TMEM132B: variants seen among roughly 807,000 people sequenced by gnomAD.
TMEM132B encodes the protein transmembrane protein 132B.
TMEM132B carries 18 observed loss-of-function variants against 90.8 expected under a neutral mutation model. The observed-to-expected ratio is 0.20, with a 90% confidence interval of 0.14 to 0.29. The LOEUF is 0.29. Ranked by LOEUF, TMEM132B falls within the 10% of genes least tolerant of loss-of-function variation. The pLI is 1.00. For synonymous variants in TMEM132B, 504 were observed against 523.3 expected (o/e 0.96, Z 0.50); for missense variants, 1,096 against 1,326.8 (o/e 0.83, Z 2.70).
In TMEM132B at chr12:125,215,248, G is replaced by A. The variant is rs114688862; in HGVS notation, c.67+28382G>A. On this transcript the variant is annotated intron_variant, in intron 1 of 8. Coordinates refer to ENST00000682704, the MANE Select transcript of TMEM132B (RefSeq NM_001366854.1). The stretch of plus-strand genomic sequence containing the variant: ...ACTACCTTAATTTCCTGTGGCTGCT[G>A]CAACATAGGGGCTTCAAATGACACA... Among the ~76,000 whole-genome samples the A allele has an allele frequency of 6.0e-3, 916 of 152,344 alleles. 11 individuals carry two copies. The highest frequency in any genetic ancestry group is 0.021 in the African/African-American group (869 of 41,562).
In TMEM132B at chr12:125,653,974, G is replaced by A. The variant is rs61753625; in HGVS notation, c.2516G>A (p.Arg839His). 3.6e-3 allele frequency: 5,731 copies of A among 1,614,136 alleles called. 179 individuals are homozygous for A. In the African/African-American group the frequency reaches 0.068, roughly 19 times the overall value. Reference sequence around the variant, plus strand: ...AGAGCAGTCCAGGAATGGTTCCACCGTGGCACACCTGTTGGCCAAGAGGAA... The same window carrying A: ...AGAGCAGTCCAGGAATGGTTCCACCATGGCACACCTGTTGGCCAAGAGGAA... Reference protein sequence around the residue: ...QERAVQEWFHRGTPVGQEEST... With the variant: ...QERAVQEWFHHGTPVGQEEST... The change falls in exon 9 of 9, where the codon CGT becomes CAT. Residue 839 changes from arginine (R) to histidine (H), a missense_variant. Coordinates refer to ENST00000682704, the MANE Select transcript of TMEM132B (RefSeq NM_001366854.1).
At chr12:125,230,262 G>A (rs1252632778) in intron 1 of TMEM132B, among the ~76,000 whole-genome samples, 4 of 152,204 alleles carry the variant, frequency 2.6e-5, no homozygotes, top group Admixed American at 2.6e-4. Context: ...ATGTTAAGGA[G>A]AAGGAGGTGG....
rs144451097 is a variant in TMEM132B, at chr12:125,641,734, C to A, written c.1438-2342C>A. ...TCATTCCTTATGAACATAGAAAGGG[C>A]CTCACAGTTTCCAAAACTGGTGTGT... is the stretch of plus-strand genomic sequence containing the variant. On this transcript the variant is annotated intron_variant, in intron 5 of 8. Coordinates refer to ENST00000682704, the MANE Select transcript of TMEM132B (RefSeq NM_001366854.1). 1.2e-3 allele frequency among the ~76,000 whole-genome samples: 177 copies of A among 152,206 alleles called. 4 individuals carry two copies. The East Asian group carries it at 0.026, about 22-fold the overall frequency.
At chr12:125,600,574 T>A (rs1037612704) in intron 5 of TMEM132B, among the ~76,000 whole-genome samples, 2 of 152,226 alleles carry the variant, frequency 1.3e-5, no homozygotes, top group Non-Finnish European at 2.9e-5. Context: ...AGTAAATGAA[T>A]AAATGTGAAT....
intron 1 of TMEM132B, among the ~76,000 whole-genome samples, chr12:125,321,074 T>TCC (rs1243108010): frequency 6.6e-6 from 1 of 152,232 alleles, no homozygotes; most frequent in Non-Finnish European, 1.5e-5. Flanking sequence ...AGCGTATGCA[T>TCC]TGGTCTTGCC....
At chr12:125,598,823 A>G (rs1055809901) in intron 5 of TMEM132B, among the ~76,000 whole-genome samples, 13 of 152,128 alleles carry the variant, frequency 8.5e-5, no homozygotes, top group African/African-American at 2.7e-4. Context: ...AACTACCTCA[A>G]ATTCCCCTAA....
At chr12:125,637,192 T>C (rs1276641753) in intron 5 of TMEM132B, among the ~76,000 whole-genome samples, 1 of 152,220 alleles carries the variant, frequency 6.6e-6, no homozygotes, top group East Asian at 1.9e-4. Context: ...AAACTGGGGA[T>C]CTGGCTGTCT....
intron 3 of TMEM132B, among the ~76,000 whole-genome samples, chr12:125,423,376 C>T (rs436302): frequency 0.97 from 147,135 of 152,212 alleles, 71,317 homozygotes; most frequent in East Asian, 1. Flanking sequence ...ACAGGGCACC[C>T]GCCTGTAGGG....
At chr12:125,437,191 C>T (rs1396890079) in intron 3 of TMEM132B, among the ~76,000 whole-genome samples, 2 of 152,156 alleles carry the variant, frequency 1.3e-5, no homozygotes, top group Non-Finnish European at 2.9e-5. Context: ...GCAGAGTGAC[C>T]CCGCTCCTCC....
intron 4 of TMEM132B, among the ~76,000 whole-genome samples, chr12:125,533,780 G>T (rs189263872): frequency 5.9e-5 from 9 of 152,328 alleles, no homozygotes; most frequent in African/African-American, 1.2e-4. Context: ...GCAAATAAAG[G>T]CTCCTTCCTG....
chr12:125,499,880 A>C (rs1882652685), intron 3 of TMEM132B, among the ~76,000 whole-genome samples: 1 of 152,220 alleles, frequency 6.6e-6, no homozygotes, highest in South Asian at 2.1e-4. Flanking sequence ...CTATATTGTA[A>C]ATTCTTATCT....
At chr12:125,270,049 A>G (rs914982834) in intron 1 of TMEM132B, among the ~76,000 whole-genome samples, 1 of 150,702 alleles carries the variant, frequency 6.6e-6, no homozygotes, top group African/African-American at 2.4e-5. Context: ...AAAACGCTAC[A>G]CTTCCCAGGT....
intron 1 of TMEM132B, among the ~76,000 whole-genome samples, chr12:125,327,683 G>C (rs1231104389): frequency 6.6e-6 from 1 of 152,190 alleles, no homozygotes; most frequent in Non-Finnish European, 1.5e-5. Context: ...GGGAAAAGGA[G>C]AGCTAGAGAG....
chr12:125,625,722 G>A (rs1886217907), intron 5 of TMEM132B, among the ~76,000 whole-genome samples: 1 of 152,150 alleles, frequency 6.6e-6, no homozygotes, highest in Non-Finnish European at 1.5e-5. Context: ...ATAATAAATT[G>A]CCAGACTGTT....
intron 1 of TMEM132B, among the ~76,000 whole-genome samples, chr12:125,286,871 T>G (rs906570385): frequency 1.3e-5 from 2 of 152,106 alleles, no homozygotes; most frequent in African/African-American, 4.8e-5. Context: ...ACCCAGCTGA[T>G]TTTTTACTTT....
intron 1 of TMEM132B, among the ~76,000 whole-genome samples, chr12:125,331,132 AGGGAGCCGGACT>A (rs1876755556): frequency 6.6e-6 from 1 of 151,416 alleles, no homozygotes; most frequent in Admixed American, 6.6e-5. Flanking sequence ...TCTGCGGAGG[AGGGAGCCGGACT>A]GGGAGCGGGG....
chr12:125,588,947 G>A (rs898860042), intron 5 of TMEM132B, among the ~76,000 whole-genome samples: 8 of 152,160 alleles, frequency 5.3e-5, no homozygotes, highest in African/African-American at 1.7e-4. Context: ...AAATAAGAAT[G>A]TATATCTAGA....
Position 125,418,115 on chromosome 12 carries a change from T to G in TMEM132B, c.1106+2438T>G, listed in dbSNP as rs987808817. Among the ~76,000 whole-genome samples, 5 of 152,200 alleles carry G rather than the reference T, an allele frequency of 3.3e-5. No homozygotes were observed. In the South Asian group the frequency reaches 8.3e-4, roughly 25 times the overall value. ...AAATCACTGTCTGGGTACAGAATGG[T>G]GATATCCATGGTCTATGCTTAGGAA... On this transcript the variant is annotated intron_variant, in intron 3 of 8. Transcript: ENST00000682704.
chr12:125,334,154 A>G (rs1274304769), intron 1 of TMEM132B, among the ~76,000 whole-genome samples: 1 of 152,208 alleles, frequency 6.6e-6, no homozygotes, highest in Non-Finnish European at 1.5e-5. Context: ...ATTAGTATGA[A>G]TTTTACCATT....
Sources: gnomAD v4.1 joint callset for allele counts (sites outside exome capture counted in the v4.1 genomes callset) on GRCh38, gnomAD v4.1.1 for gene constraint, MANE v1.5 for transcripts, NCBI Gene and HGNC (gene_info 2026-07-23, HGNC 2026-07-21) for gene names.